The following AUTS2 variants were observed in gnomAD, a reference collection of about 807,000 sequenced individuals.
The protein encoded by AUTS2 is autism susceptibility gene 2 protein.
A neutral mutation model predicts 112.4 loss-of-function variants in AUTS2; 17 were observed. That is an observed-to-expected ratio of 0.15 (90% CI 0.10 to 0.23). The LOEUF (loss-of-function observed/expected upper bound fraction) is 0.23, where lower values mean the gene tolerates loss of function less well. Ranked by LOEUF, AUTS2 falls within the 10% of genes least tolerant of loss-of-function variation. The pLI, the probability that AUTS2 is intolerant of heterozygous loss-of-function variation, is 1.00. For missense variants in AUTS2, 1,510 were observed against 1,701.6 expected (o/e 0.89, Z 1.98); for synonymous variants, 751 against 702.7 (o/e 1.07, Z -1.09).
intron 4 of AUTS2, among the ~76,000 whole-genome samples, chr7:70,385,724 T>G (rs1793578046): frequency 6.6e-6 from 1 of 152,076 alleles, no homozygotes; most frequent in Non-Finnish European, 1.5e-5. Flanking sequence ...CAACACTGTC[T>G]CTAAAAATAG....
At chr7:69,715,242 A>AT (rs1798546894) in intron 1 of AUTS2, among the ~76,000 whole-genome samples, 1 of 151,868 alleles carries the variant, frequency 6.6e-6, no homozygotes, top group African/African-American at 2.4e-5. Context: ...AAAAAAAAAA[A>AT]AAAAGGAAAA....
chr7:69,879,862 T>TGATC (rs769840382), intron 1 of AUTS2, among the ~76,000 whole-genome samples: 24 of 152,284 alleles, frequency 1.6e-4, no homozygotes, highest in Admixed American at 4.6e-4. Flanking sequence ...TGCAGTGGTG[T>TGATC]GATCATAGGT....
At chr7:70,280,440 T>C (rs921509915) in intron 4 of AUTS2, among the ~76,000 whole-genome samples, 6 of 149,016 alleles carry the variant, frequency 4.0e-5, no homozygotes, top group South Asian at 4.3e-4. Context: ...CCCGCCACCA[T>C]GCCCGGCTGA....
intron 5 of AUTS2, among the ~76,000 whole-genome samples, chr7:70,623,290 C>T (rs1403854311): frequency 6.6e-6 from 1 of 152,192 alleles, no homozygotes; most frequent in Non-Finnish European, 1.5e-5. Context: ...TCTCACCTCT[C>T]CTGAGAGGCC....
intron 4 of AUTS2, among the ~76,000 whole-genome samples, chr7:70,408,732 A>C (rs974646933): frequency 6.6e-6 from 1 of 152,234 alleles, no homozygotes; most frequent in Non-Finnish European, 1.5e-5. Context: ...GAGATCATGG[A>C]GAGAAGTAGT....
intron 1 of AUTS2, among the ~76,000 whole-genome samples, chr7:69,808,232 C>T (rs1457837838): frequency 2.6e-5 from 4 of 152,164 alleles, no homozygotes; most frequent in South Asian, 2.1e-4. Flanking sequence ...CGGCCAAGGC[C>T]GCACTTTTGA....
At chr7:69,795,483 C>T (rs1348834062) in intron 1 of AUTS2, among the ~76,000 whole-genome samples, 2 of 152,086 alleles carry the variant, frequency 1.3e-5, no homozygotes, top group Admixed American at 1.3e-4. Flanking sequence ...AGTTTGAGAC[C>T]AGCCTGGGCA....
At chr7:69,701,527 T>C (rs980975399) in intron 1 of AUTS2, among the ~76,000 whole-genome samples, 11 of 152,096 alleles carry the variant, frequency 7.2e-5, no homozygotes, top group Non-Finnish European at 1.6e-4. Context: ...CCATCCCCAG[T>C]ATACTTTGAG....
intron 2 of AUTS2, among the ~76,000 whole-genome samples, chr7:70,037,893 G>A (rs1393247249): frequency 6.6e-6 from 1 of 151,916 alleles, no homozygotes; most frequent in African/African-American, 2.4e-5. Context: ...TAAATGTTAG[G>A]TATTAAAAAT....
intron 4 of AUTS2, among the ~76,000 whole-genome samples, chr7:70,165,060 CAA>C (rs1196162318): frequency 3.9e-5 from 6 of 151,960 alleles, no homozygotes; most frequent in Non-Finnish European, 7.4e-5. Flanking sequence ...ATGAAAAACA[CAA>C]TATCATATAT....
intron 5 of AUTS2, among the ~76,000 whole-genome samples, chr7:70,547,501 C>T (rs1161059705): frequency 6.6e-6 from 1 of 152,164 alleles, no homozygotes; most frequent in Non-Finnish European, 1.5e-5. Context: ...GATCTGCCTG[C>T]CTCAGCCTCC....
At chr7:70,156,305 C>T (rs559023253) in intron 4 of AUTS2, among the ~76,000 whole-genome samples, 1 of 152,288 alleles carries the variant, frequency 6.6e-6, no homozygotes, top group Non-Finnish European at 1.5e-5. Flanking sequence ...AAATTTCAGC[C>T]AAAGCAATTG....
At chr7:70,012,963 G>A (rs938194478) in intron 2 of AUTS2, among the ~76,000 whole-genome samples, 17 of 152,292 alleles carry the variant, frequency 1.1e-4, no homozygotes, top group Middle Eastern at 3.4e-3. Context: ...TGTTTTGGGG[G>A]TATGGAGAAA....
At chr7:70,580,613 C>A (rs975156221) in intron 5 of AUTS2, among the ~76,000 whole-genome samples, 3 of 152,174 alleles carry the variant, frequency 2.0e-5, no homozygotes, top group African/African-American at 7.2e-5. Context: ...CAACCTTTTT[C>A]TCTTGAGCTG....
chr7:70,151,945 T>C (rs184261891), intron 4 of AUTS2, among the ~76,000 whole-genome samples: 71 of 152,322 alleles, frequency 4.7e-4, no homozygotes, highest in Admixed American at 3.9e-3. Flanking sequence ...CAGAGAATGA[T>C]ATTTTAAAAA....
At chr7:70,725,490 C>T (rs1313608468) in intron 6 of AUTS2, among the ~76,000 whole-genome samples, 1 of 152,180 alleles carries the variant, frequency 6.6e-6, no homozygotes, top group Non-Finnish European at 1.5e-5. Flanking sequence ...CATGTTCTGT[C>T]GTGACTGTCA....
intron 4 of AUTS2, among the ~76,000 whole-genome samples, chr7:70,392,075 CG>C (rs1793889437): frequency 6.6e-6 from 1 of 152,104 alleles, no homozygotes; most frequent in African/African-American, 2.4e-5. Context: ...ACCTTCAAAA[CG>C]GGTTAGATAA....
At chr7:69,752,954 C>T (rs186046042) in intron 1 of AUTS2, among the ~76,000 whole-genome samples, 69 of 152,286 alleles carry the variant, frequency 4.5e-4, no homozygotes, top group African/African-American at 1.5e-3. Context: ...CTCCAGCATA[C>T]CTTTTTCAAA....
At chr7:70,559,671 A>G (rs1801397570) in intron 5 of AUTS2, among the ~76,000 whole-genome samples, 1 of 151,794 alleles carries the variant, frequency 6.6e-6, no homozygotes, top group Non-Finnish European at 1.5e-5. Context: ...TCTCAACATC[A>G]TTTGTGGAAG....
Sources: gnomAD v4.1 joint callset for allele counts (sites outside exome capture counted in the v4.1 genomes callset) on GRCh38, gnomAD v4.1.1 for gene constraint, MANE v1.5 for transcripts, NCBI Gene and HGNC (gene_info 2026-07-23, HGNC 2026-07-21) for gene names.